MAD1L1: variants seen among roughly 807,000 people sequenced by gnomAD.
MAD1L1 encodes the protein mitotic spindle assembly checkpoint protein MAD1.
In MAD1L1, 95 loss-of-function variants were observed where a neutral mutation model predicts 96.9. That is an observed-to-expected ratio of 0.98 (90% CI 0.83 to 1.16). MAD1L1 has a LOEUF of 1.16. Ranked by LOEUF, MAD1L1 falls within the 50% of genes most tolerant of loss-of-function variation. MAD1L1 has a pLI of 0.00. For synonymous variants in MAD1L1, 473 were observed against 396.6 expected (o/e 1.19, Z -2.29); for missense variants, 1,007 against 954.4 (o/e 1.06, Z -0.73).
chr7:1,948,596 G>A (rs1223351761), intron 16 of MAD1L1, among the ~76,000 whole-genome samples: 1 of 152,192 alleles, frequency 6.6e-6, no homozygotes, highest in Admixed American at 6.5e-5. Context: ...GAGCTGGGAG[G>A]GGTCATGCCT....
At chr7:2,101,872 G>A (rs1786795998) in intron 11 of MAD1L1, among the ~76,000 whole-genome samples, 1 of 152,124 alleles carries the variant, frequency 6.6e-6, no homozygotes, top group African/African-American at 2.4e-5. Flanking sequence ...CCTGACACAT[G>A]CTGGATAAAC....
intron 12 of MAD1L1, among the ~76,000 whole-genome samples, chr7:2,030,527 G>A (rs1210345846): frequency 6.6e-6 from 1 of 152,228 alleles, no homozygotes; most frequent in Non-Finnish European, 1.5e-5. Flanking sequence ...GCGGGCCCCT[G>A]AACAGCCTTG....
At chr7:1,966,117 C>A (rs961434942) in intron 15 of MAD1L1, among the ~76,000 whole-genome samples, 6 of 152,250 alleles carry the variant, frequency 3.9e-5, no homozygotes, top group African/African-American at 1.4e-4. Context: ...GCCAATGTCC[C>A]AGGCCAAGGC....
chr7:1,911,937 T>G (rs1788042520), intron 17 of MAD1L1, among the ~76,000 whole-genome samples: 1 of 152,246 alleles, frequency 6.6e-6, no homozygotes, highest in Non-Finnish European at 1.5e-5. Flanking sequence ...GGGCTGGGCC[T>G]CACCTGTCCA....
At chr7:1,824,385 C>T (rs1289496648) in intron 18 of MAD1L1, among the ~76,000 whole-genome samples, 1 of 152,158 alleles carries the variant, frequency 6.6e-6, no homozygotes, top group African/African-American at 2.4e-5. Flanking sequence ...TGGGCATTGC[C>T]GAGAAGACTA....
chr7:2,195,824 C>T (rs1791957175), intron 10 of MAD1L1, among the ~76,000 whole-genome samples: 1 of 152,272 alleles, frequency 6.6e-6, no homozygotes, highest in Non-Finnish European at 1.5e-5. Context: ...GGCAGGTCAG[C>T]CCTCCAGCAG....
intron 18 of MAD1L1, among the ~76,000 whole-genome samples, chr7:1,827,459 AGCCCGTCGCGGGTGTGGGGGC>A (rs1782461097): frequency 3.3e-5 from 3 of 90,350 alleles, no homozygotes; most frequent in Non-Finnish European, 5.3e-5. Context: ...TCCCCTCCTG[AGCCCGTCGCGGGTGTGGGGGC>A]CTCCCCTCCT....
At position 1,888,755 on chromosome 7, in the gene MAD1L1, A is replaced by G. The variant is rs1364505518; in HGVS notation, c.1998+9445T>C. On this transcript the variant is annotated intron_variant, in intron 18 of 18. Transcript: ENST00000265854. ...TGTGCATGGGTGGGCATGTGTGAGC[A>G]TGCATGTGTGTGTGTGGTTTCATGT... Among the ~76,000 whole-genome samples the G allele has an allele frequency of 2.7e-5, 4 of 147,694 alleles. 1 individual carries two copies. In the East Asian group the frequency reaches 8.1e-4, roughly 30 times the overall value.
chr7:2,083,251 C>A (rs952650905), intron 11 of MAD1L1, among the ~76,000 whole-genome samples: 1 of 152,236 alleles, frequency 6.6e-6, no homozygotes, highest in Non-Finnish European at 1.5e-5. Context: ...ACCCATTCGC[C>A]CATCACTGAG....
intron 14 of MAD1L1, among the ~76,000 whole-genome samples, chr7:1,998,765 G>A (rs1049888185): frequency 3.0e-5 from 4 of 133,760 alleles, no homozygotes; most frequent in African/African-American, 1.1e-4. Context: ...CACACAGGCA[G>A]AAGAGGACCC....
chr7:2,056,663 C>A (rs1373317998), intron 12 of MAD1L1, among the ~76,000 whole-genome samples: 2 of 152,182 alleles, frequency 1.3e-5, no homozygotes, highest in African/African-American at 4.8e-5. Context: ...TCCCACCCAG[C>A]GCCCATTATC....
intron 17 of MAD1L1, among the ~76,000 whole-genome samples, chr7:1,934,815 G>A (rs1265077127): frequency 6.7e-6 from 1 of 150,002 alleles, no homozygotes; most frequent in South Asian, 2.1e-4. Flanking sequence ...GACAACAGGG[G>A]AACAAACAGA....
intron 18 of MAD1L1, among the ~76,000 whole-genome samples, chr7:1,888,318 G>A (rs542574395): frequency 4.6e-5 from 6 of 131,854 alleles, no homozygotes; most frequent in Non-Finnish European, 5.0e-5. Context: ...CTGCCTATGT[G>A]TGTGTGTGCA....
At chr7:1,828,098 A>G (rs1280544579) in intron 18 of MAD1L1, among the ~76,000 whole-genome samples, 1 of 151,888 alleles carries the variant, frequency 6.6e-6, no homozygotes. Context: ...AGTTTCCTGA[A>G]TGTAAAATGG....
rs1046090632 is a variant in MAD1L1, at chr7:2,192,102, G to A, written c.986+21110C>T. Among the ~76,000 whole-genome samples the A allele has an allele frequency of 5.9e-5, 9 of 151,746 alleles. No individual in the cohort carries two copies. In the South Asian group the frequency reaches 1.2e-3, roughly 21 times the overall value. On this transcript the variant is annotated intron_variant, in intron 10 of 18. Transcript: ENST00000265854. ...AATTAAATCAGGGTGGAGGTAGCAC[G>A]TTAAATATAAATCCATGGGGTTTTT...
At chr7:1,837,716 C>G (rs1783007516) in intron 18 of MAD1L1, among the ~76,000 whole-genome samples, 1 of 152,216 alleles carries the variant, frequency 6.6e-6, no homozygotes, top group African/African-American at 2.4e-5. Flanking sequence ...TACAGAAACT[C>G]TGGAAAACGT....
At chr7:1,957,309 T>C (rs1305327516) in intron 16 of MAD1L1, among the ~76,000 whole-genome samples, 1 of 152,096 alleles carries the variant, frequency 6.6e-6, no homozygotes, top group Non-Finnish European at 1.5e-5. Context: ...GAAAGTACAA[T>C]TAAAAGAACA....
chr7:1,862,155 G>T (rs1312360110), intron 18 of MAD1L1, among the ~76,000 whole-genome samples: 1 of 152,224 alleles, frequency 6.6e-6, no homozygotes, highest in Non-Finnish European at 1.5e-5. Flanking sequence ...GTCCCCAAGA[G>T]CGGCACCCCG....
chr7:2,079,830 G>A (rs1194536452), intron 11 of MAD1L1: 1 of 456,944 alleles, frequency 2.2e-6, no homozygotes, highest in East Asian at 7.0e-5. Flanking sequence ...AGAGACAAGG[G>A]GGCAAGTCAC....
Sources: gnomAD v4.1 joint callset for allele counts (sites outside exome capture counted in the v4.1 genomes callset) on GRCh38, gnomAD v4.1.1 for gene constraint, MANE v1.5 for transcripts, NCBI Gene and HGNC (gene_info 2026-07-23, HGNC 2026-07-21) for gene names.